Variants in SMARCD3 observed in about 807,000 individuals in gnomAD.
SMARCD3 encodes the protein SWI/SNF-related matrix-associated actin-dependent regulator of chromatin subfamily D member 3.
In SMARCD3, 14 loss-of-function variants were observed where a neutral mutation model predicts 58.0. That is an observed-to-expected ratio of 0.24 (90% CI 0.16 to 0.38). The LOEUF is 0.38. Ranked by LOEUF, SMARCD3 falls within the 10% of genes least tolerant of loss-of-function variation. The pLI is 1.00. For synonymous variants in SMARCD3, 253 were observed against 253.8 expected, an observed-to-expected ratio of 1.00 and a Z score of 0.03; for missense variants, 408 against 636.9, an observed-to-expected ratio of 0.64 and a Z score of 3.87.
chr7:151,242,463 AC>A lies in SMARCD3; in HGVS notation c.579+17del. 2 of 1,611,136 alleles carry A rather than the reference AC, an allele frequency of 1.2e-6. No individual in the cohort carries two copies. Among genetic ancestry groups the A allele is most frequent in the Non-Finnish European group, 1.7e-6 (2 of 1,179,468 alleles). On this transcript the variant is annotated intron_variant, in intron 5 of 12. Coordinates refer to ENST00000262188, the MANE Select transcript of SMARCD3 (RefSeq NM_001003801.2). The surrounding 1 kb of genome is among the most constrained non-coding windows in gnomAD (Gnocchi z 4.7). ...TGCCCACCCCAGGACACCTGGAGAG[AC>A]CTGGGCCGGGACGTACATCATCCAG...
intron 2 of SMARCD3, among the ~76,000 whole-genome samples, chr7:151,273,844 C>T (rs1337473433): frequency 2.0e-5 from 3 of 152,192 alleles, no homozygotes; most frequent in Non-Finnish European, 4.4e-5. Context: ...GGTGCCCTGC[C>T]CCATTTTGCC....
intron 1 of SMARCD3, among the ~76,000 whole-genome samples, chr7:151,276,223 GC>G (rs1795337140): frequency 1.3e-5 from 2 of 151,828 alleles, no homozygotes; most frequent in Non-Finnish European, 2.9e-5. Flanking sequence ...GAAGACGGTG[GC>G]CAAGTGGAGA....
chr7:151,240,329 G>C lies in SMARCD3; in HGVS notation c.1038-82C>G, dbSNP rs940266210. 3 of 1,603,244 alleles carry C rather than the reference G, an allele frequency of 1.9e-6. No homozygotes were observed. In the African/African-American group the frequency reaches 4.0e-5, roughly 21 times the overall value. ...CCGGGGCTGGGGCAGATCCAACAGG[G>C]AGGGAGAAGAGATGGGAGTGGGAGG... is the stretch of plus-strand genomic sequence containing the variant. On this transcript the variant is annotated intron_variant, in intron 9 of 12. Coordinates refer to ENST00000262188, the MANE Select transcript of SMARCD3 (RefSeq NM_001003801.2).
At chr7:151,260,056 T>C (rs1388521403) in intron 2 of SMARCD3, among the ~76,000 whole-genome samples, 2 of 152,128 alleles carry the variant, frequency 1.3e-5, no homozygotes, top group East Asian at 3.9e-4. Context: ...ATAAAGATAA[T>C]GAAAATGAGG....
chr7:151,254,759 C>T (rs778787806), intron 2 of SMARCD3, among the ~76,000 whole-genome samples: 123 of 152,308 alleles, frequency 8.1e-4, no homozygotes, highest in Non-Finnish European at 1.5e-3. Flanking sequence ...AGCGTCCTGC[C>T]CCTCACCTCG....
Position 151,239,708 on chromosome 7 carries a change from G to C in SMARCD3, c.1212C>G (p.Ile404Met). 6.2e-7 allele frequency: 1 copy of C among 1,613,804 alleles called. No homozygotes were observed. The highest frequency in any genetic ancestry group is 1.1e-5 in the South Asian group (1 of 91,072). ...ETIESINQLK[I>M]QRDFMLSFSR... Reference sequence around the variant, plus strand: ...AGAAGCTTAGCATGAAGTCCCTCTGGATCTTGAGCTGGTTTATGGACTCAA... The same window carrying C: ...AGAAGCTTAGCATGAAGTCCCTCTGCATCTTGAGCTGGTTTATGGACTCAA... Residue 404 changes from isoleucine (I) to methionine (M), a missense_variant, in exon 11 of 13, where the codon ATC becomes ATG. This residue lies in a region of SMARCD3 where 81 missense variants were observed against 109.7 expected (regional missense o/e 0.74). Coordinates refer to ENST00000262188, the MANE Select transcript of SMARCD3 (RefSeq NM_001003801.2). The surrounding 1 kb of genome is among the most constrained non-coding windows in gnomAD (Gnocchi z 7.0).
chr7:151,247,568 G>A lies in SMARCD3; in HGVS notation c.78+917C>T, dbSNP rs2487152. Among the ~76,000 whole-genome samples, 4 of 151,964 alleles carry A rather than the reference G, an allele frequency of 2.6e-5. No homozygotes were observed. The East Asian group carries it at 7.7e-4, about 29-fold the overall frequency. On this transcript the variant is annotated intron_variant, in intron 1 of 12. Coordinates refer to ENST00000262188, the MANE Select transcript of SMARCD3 (RefSeq NM_001003801.2). ...ATCCTAGGGACTCTGGCCTTACTGA[G>A]AGGGTGTCTTCCTTGGGGTCACAAC...
chr7:151,252,814 C>T (rs1361936399), upstream of SMARCD3, among the ~76,000 whole-genome samples: 1 of 152,180 alleles, frequency 6.6e-6, no homozygotes, highest in Admixed American at 6.5e-5. Context: ...GGCAGCTGTG[C>T]GCTTCCCTGT....
chr7:151,263,722 A>C (rs1024648110), intron 2 of SMARCD3, among the ~76,000 whole-genome samples: 7 of 152,210 alleles, frequency 4.6e-5, no homozygotes, highest in Non-Finnish European at 1.0e-4. Flanking sequence ...ACCCTGGACC[A>C]GGCCGGCACC....
intron 2 of SMARCD3, among the ~76,000 whole-genome samples, chr7:151,259,411 ATG>A (rs1491451971): frequency 8.7e-5 from 12 of 138,214 alleles, no homozygotes; most frequent in East Asian, 2.0e-4. Context: ...GTGTGTGTGT[ATG>A]TGTGTGTGTG....
chr7:151,253,300 C>T (rs745479190), upstream of SMARCD3, among the ~76,000 whole-genome samples: 1 of 152,138 alleles, frequency 6.6e-6, no homozygotes, highest in Non-Finnish European at 1.5e-5. Context: ...CTCCCACTCA[C>T]TCCCTCCGTC....
At chr7:151,262,949 C>A (rs1041194747) in intron 2 of SMARCD3, among the ~76,000 whole-genome samples, 1 of 152,336 alleles carries the variant, frequency 6.6e-6, no homozygotes, top group South Asian at 2.1e-4. Context: ...CAGAGCCCAG[C>A]AGGCTAAAAC....
Position 151,255,673 on chromosome 7 carries a change from C to T in SMARCD3, c.40-10002G>A, listed in dbSNP as rs923764186. 6.6e-5 allele frequency among the ~76,000 whole-genome samples: 10 copies of T among 152,214 alleles called. 1 individual carries two copies. In the South Asian group the frequency reaches 1.9e-3, roughly 28 times the overall value. ...CACTTTCAGTCCCATGCACCCTACT[C>T]GCTGACCACCGTCTCCTCTTTTTCC... On this transcript the variant is annotated intron_variant, in intron 2 of 13. Coordinates refer to the SMARCD3 transcript ENST00000356800.
chr7:151,257,358 G>A (rs769277264), intron 2 of SMARCD3, among the ~76,000 whole-genome samples: 34 of 152,304 alleles, frequency 2.2e-4, no homozygotes, highest in South Asian at 1.0e-3. Context: ...CAGGGCCACC[G>A]GTAGCCTCCA....
intron 2 of SMARCD3, among the ~76,000 whole-genome samples, chr7:151,258,358 A>T (rs1036549813): frequency 6.6e-6 from 1 of 152,036 alleles, no homozygotes; most frequent in African/African-American, 2.4e-5. Flanking sequence ...TGAGGTCAGG[A>T]GTTCGAGAGC....
At position 151,239,963 on chromosome 7, in the gene SMARCD3, G is replaced by T; in HGVS notation, c.1173+149C>A. The T allele has an allele frequency of 3.2e-6, 3 of 935,396 alleles. No homozygotes were observed. The highest frequency in any genetic ancestry group is 1.7e-5 in the South Asian group (1 of 58,004). The allele number at this position is 935,396 out of a possible 1,614,324, so 57.9% of individuals were successfully genotyped here. ...CAAGCAGCATGGACGGGCCATGTGT[G>T]TCCCATTGGCCCAGAGTCTGGTCTC... On this transcript the variant is annotated intron_variant, in intron 10 of 12. Transcript: ENST00000262188. The surrounding 1 kb of genome is among the most constrained non-coding windows in gnomAD (Gnocchi z 7.0).
chr7:151,264,213 C>T lies in SMARCD3; in HGVS notation c.39+10901G>A, dbSNP rs1477504928. Among the ~76,000 whole-genome samples the T allele has an allele frequency of 3.3e-5, 5 of 152,128 alleles. No homozygotes were observed. In the East Asian group the frequency reaches 9.7e-4, roughly 29 times the overall value. On this transcript the variant is annotated intron_variant, in intron 2 of 13. Transcript: ENST00000356800. ...AGCTGGGACTACAGGTGCCTGCCAC[C>T]ACACCTGGCTAATTTTTATATTTTT...
upstream of SMARCD3, among the ~76,000 whole-genome samples, chr7:151,251,770 T>C (rs1418607268): frequency 2.0e-5 from 3 of 151,296 alleles, no homozygotes; most frequent in African/African-American, 7.3e-5. Context: ...CATCGCTCCT[T>C]CCCTCGCTGA....
upstream of SMARCD3, among the ~76,000 whole-genome samples, chr7:151,252,633 C>A (rs1349167311): frequency 3.9e-5 from 6 of 152,194 alleles, no homozygotes; most frequent in East Asian, 1.2e-3. Context: ...CTCGGGGGAC[C>A]TCTGGCTAGT....
Sources: allele counts gnomAD v4.1 joint callset (sites outside exome capture counted in the v4.1 genomes callset), GRCh38; gene constraint gnomAD v4.1.1; regional missense constraint gnomAD v4.1.1; non-coding constraint Gnocchi (gnomAD v3.1); transcripts MANE v1.5; gene names NCBI Gene and HGNC (gene_info 2026-07-23, HGNC 2026-07-21).